SENP7: variants seen among roughly 807,000 people sequenced by gnomAD.
The protein encoded by SENP7 is sentrin-specific protease 7.
A neutral mutation model predicts 141.2 loss-of-function variants in SENP7; 64 were observed. The observed-to-expected ratio is 0.45, with a 90% CI of 0.37 to 0.56. The LOEUF (loss-of-function observed/expected upper bound fraction) is 0.56, where lower values mean the gene tolerates loss of function less well. Ranked by LOEUF, SENP7 falls within the 20% of genes least tolerant of loss-of-function variation. SENP7 has a pLI of 0.00. For synonymous variants in SENP7, 382 were observed against 426.4 expected, an observed-to-expected ratio of 0.90 and a Z score of 1.28; for missense variants, 1,025 against 1,212.2, an observed-to-expected ratio of 0.85 and a Z score of 2.29.
chr3:101,474,115 T>A (rs2064120471), intron 3 of SENP7, among the ~76,000 whole-genome samples: 1 of 151,806 alleles, frequency 6.6e-6, no homozygotes, highest in South Asian at 2.1e-4. Context: ...AGCTTGAAGT[T>A]GGATAGCATG....
Position 101,457,820 on chromosome 3 carries a change from C to A in SENP7, c.284+1135G>T, listed in dbSNP as rs1322004344. On this transcript the variant is annotated intron_variant, in intron 4 of 23. Coordinates refer to ENST00000394095, the MANE Select transcript of SENP7 (RefSeq NM_020654.5). ...CCAGCTGAGATTAGGCGCACACATGCGGAGATGCAAGACGGCAGCTAAAGG... is the reference window on the plus strand; with the variant it reads ...CCAGCTGAGATTAGGCGCACACATGAGGAGATGCAAGACGGCAGCTAAAGG... 7 of 578,260 alleles carry A rather than the reference C, an allele frequency of 1.2e-5. No homozygotes were observed. In the Admixed American group the frequency reaches 2.1e-4, roughly 17 times the overall value. 35.8% of individuals were successfully genotyped at this position (578,260 alleles called of 1,614,324 possible). A position where few individuals can be genotyped will look rare whatever the true frequency, so the allele number is the denominator to read the frequency against.
chr3:101,443,491 G>A (rs1486720171), intron 4 of SENP7, among the ~76,000 whole-genome samples: 1 of 151,506 alleles, frequency 6.6e-6, no homozygotes, highest in South Asian at 2.1e-4. Flanking sequence ...GTGAAGAAAG[G>A]CATTGGTAGC....
At chr3:101,392,782 C>T (rs1402081971) in intron 6 of SENP7, among the ~76,000 whole-genome samples, 1 of 152,156 alleles carries the variant, frequency 6.6e-6, no homozygotes, top group Admixed American at 6.5e-5. Context: ...TATCTGACTT[C>T]AAAATATATT....
At position 101,513,116 on chromosome 3, in the gene SENP7, C is replaced by G; in HGVS notation, c.15G>C (p.Lys5Asn). Residue 5 changes from lysine (K) to asparagine (N), a missense_variant, in exon 1 of 24, where the codon AAG (lysine) becomes AAC (asparagine). Physicochemically the swap from Lys to Asn is moderately conservative, Grantham distance 94. This residue lies in a region of SENP7 where 496 missense variants were observed against 503.5 expected (regional missense o/e 0.99). Coordinates refer to ENST00000394095, the MANE Select transcript of SENP7 (RefSeq NM_020654.5). ...CGGATGAAGATGGCCGTCGCCCGAG[C>G]TTTCTCTTGTCCATCTTCTCCCGCT... MDKR[K>N]LGRRPSSSEI... 6.3e-7 allele frequency: 1 copy of G among 1,592,606 alleles called. No homozygotes were observed. Among genetic ancestry groups the G allele is most frequent in the South Asian group, 1.1e-5 (1 of 90,676 alleles).
chr3:101,327,653 T>C lies in SENP7; in HGVS notation c.3015+13A>G, dbSNP rs753942533. The C allele has an allele frequency of 1.3e-5, 20 of 1,582,028 alleles. No homozygotes were observed. Among genetic ancestry groups the C allele is most frequent in the Non-Finnish European group, 1.5e-5 (17 of 1,165,774 alleles). On this transcript the variant is annotated intron_variant, in intron 23 of 23. Transcript: ENST00000394095. Reference sequence around the variant, plus strand: ...TAACTGTGAATTAAAAACTTATTTATAGCTTCACATACCTTGAAGAAGCTT... The same window carrying C: ...TAACTGTGAATTAAAAACTTATTTACAGCTTCACATACCTTGAAGAAGCTT...
chr3:101,380,877 A>G (rs1237716240), intron 6 of SENP7, among the ~76,000 whole-genome samples: 1 of 152,170 alleles, frequency 6.6e-6, no homozygotes, highest in African/African-American at 2.4e-5. Context: ...TCCAAACTCC[A>G]TCAATAAAAA....
chr3:101,449,135 C>A (rs1442016776), intron 4 of SENP7, among the ~76,000 whole-genome samples: 2 of 151,916 alleles, frequency 1.3e-5, no homozygotes, highest in Non-Finnish European at 2.9e-5. Context: ...AGTGATGGAA[C>A]ATGAAATGAA....
Position 101,343,675 on chromosome 3 carries a change from G to T in SENP7, c.2106+11C>A. 1 of 1,597,156 alleles carries T rather than the reference G, an allele frequency of 6.3e-7. No homozygotes were observed. Among genetic ancestry groups the T allele is most frequent in the South Asian group, 1.1e-5 (1 of 87,756 alleles). On this transcript the variant is annotated intron_variant, in intron 14 of 23. Transcript: ENST00000394095. ...CCCCTTCTCTGCCAATTATATTAAT[G>T]ATATGCTAACCTGAGATACTGATTT...
At chr3:101,449,390 G>A (rs979008414) in intron 4 of SENP7, among the ~76,000 whole-genome samples, 4 of 152,036 alleles carry the variant, frequency 2.6e-5, no homozygotes, top group Non-Finnish European at 5.9e-5. Context: ...GATACTCCTC[G>A]AGAAGAGCAA....
In SENP7 at chr3:101,467,446, C is replaced by A. The variant is rs1459682899; in HGVS notation, c.187-8394G>T. ...CCTCCCATTAGGGGATGACAGACACCTCATATAGGTGGCTGCCCCTCTGGG... is the reference window on the plus strand; with the variant it reads ...CCTCCCATTAGGGGATGACAGACACATCATATAGGTGGCTGCCCCTCTGGG... On this transcript the variant is annotated intron_variant, in intron 3 of 23. Transcript: ENST00000394095. 2.0e-5 allele frequency among the ~76,000 whole-genome samples: 3 copies of A among 152,172 alleles called. No individual in the cohort carries two copies. The South Asian group carries it at 6.2e-4, about 32-fold the overall frequency.
intron 10 of SENP7, 44 bp downstream of exon 10, chr3:101,364,790 T>C (rs1410449326): frequency 1.5e-6 from 2 of 1,302,786 alleles, no homozygotes; most frequent in Non-Finnish European, 2.1e-6. Flanking sequence ...TAACCAATAG[T>C]GTACATTTCA....
At chr3:101,430,680 C>T (rs191159976) in intron 4 of SENP7, among the ~76,000 whole-genome samples, 186 of 152,252 alleles carry the variant, frequency 1.2e-3, no homozygotes, top group African/African-American at 4.3e-3. Context: ...TTTTGTGTCT[C>T]CATCTCCTTC....
intron 4 of SENP7, among the ~76,000 whole-genome samples, chr3:101,456,295 T>C (rs1301423086): frequency 1.3e-5 from 2 of 152,158 alleles, no homozygotes; most frequent in Admixed American, 6.5e-5. Context: ...AATTACACTA[T>C]TGCCTGTTGG....
intron 3 of SENP7, among the ~76,000 whole-genome samples, chr3:101,480,836 A>T (rs2064440440): frequency 6.6e-6 from 1 of 152,288 alleles, no homozygotes; most frequent in East Asian, 1.9e-4. Context: ...GACATTTCTT[A>T]AAAGACATAC....
chr3:101,448,104 AC>A (rs1485671534), intron 4 of SENP7, among the ~76,000 whole-genome samples: 1 of 152,214 alleles, frequency 6.6e-6, no homozygotes, highest in Non-Finnish European at 1.5e-5. Flanking sequence ...TTAAAATGGA[AC>A]AAAGACCTAA....
chr3:101,380,373 T>G lies in SENP7; in HGVS notation c.678-8247A>C, dbSNP rs368723632. Among the ~76,000 whole-genome samples, 74 of 151,464 alleles carry G rather than the reference T, an allele frequency of 4.9e-4. No homozygotes were observed. The South Asian group carries it at 0.015, about 31-fold the overall frequency. On this transcript the variant is annotated intron_variant, in intron 6 of 23. Transcript: ENST00000394095. ...ATAGGTCTATCAAGTATATTATAAT[T>G]TATAGAAAACTATTTAAAAATAGAA...
At chr3:101,510,724 G>A (rs2065817713) in intron 1 of SENP7, among the ~76,000 whole-genome samples, 1 of 150,836 alleles carries the variant, frequency 6.6e-6, no homozygotes, top group Admixed American at 6.7e-5. Flanking sequence ...ATGGTGACAG[G>A]CACCTGTAAT....
At chr3:101,357,995 A>G (rs1462973923) in intron 11 of SENP7, 16 of 631,382 alleles carry the variant, frequency 2.5e-5, no homozygotes, top group Middle Eastern at 3.2e-4. Context: ...GAAAATTCTT[A>G]TTGGAGAGAA....
intron 4 of SENP7, among the ~76,000 whole-genome samples, chr3:101,439,050 C>A (rs1478370790): frequency 4.6e-5 from 6 of 129,564 alleles, no homozygotes; most frequent in Non-Finnish European, 1.0e-4. Flanking sequence ...AAGTGAGGAG[C>A]GTCTCCGCCC....
Sources: allele counts gnomAD v4.1 joint callset (sites outside exome capture counted in the v4.1 genomes callset), GRCh38; gene constraint gnomAD v4.1.1; regional missense constraint gnomAD v4.1.1; transcripts MANE v1.5; gene names NCBI Gene and HGNC (gene_info 2026-07-23, HGNC 2026-07-21).